Variants in ELK3 observed in about 807,000 individuals in gnomAD.
ELK3 encodes the protein ETS domain-containing protein Elk-3.
A neutral mutation model predicts 28.9 loss-of-function variants in ELK3; 10 were observed. That is an observed-to-expected ratio of 0.35 (90% CI 0.21 to 0.59). ELK3 has a LOEUF of 0.59. Among genes scored for constraint, ELK3 ranks in the 20% least tolerant of loss-of-function variants. ELK3 has a pLI of 0.82. For missense variants in ELK3, 463 were observed against 517.3 expected (o/e 0.90, Z 1.02); for synonymous variants, 272 against 243.5 (o/e 1.12, Z -1.09).
intron 1 of ELK3, among the ~76,000 whole-genome samples, chr12:96,223,130 A>G (rs900289405): frequency 2.0e-5 from 3 of 152,170 alleles, no homozygotes; most frequent in Non-Finnish European, 4.4e-5. Flanking sequence ...TTACAATTCA[A>G]CATGAGATTT....
chr12:96,231,582 TC>T (rs1951742119), intron 2 of ELK3, among the ~76,000 whole-genome samples: 1 of 152,230 alleles, frequency 6.6e-6, no homozygotes, highest in African/African-American at 2.4e-5. Flanking sequence ...AACCTCTGCC[TC>T]CCAGGTTCAA....
intron 4 of ELK3, among the ~76,000 whole-genome samples, chr12:96,264,450 GAT>G (rs1382028096): frequency 6.6e-6 from 1 of 152,140 alleles, no homozygotes; most frequent in Non-Finnish European, 1.5e-5. Flanking sequence ...TAGAAGCAAA[GAT>G]TACTAAGTGA....
At chr12:96,212,255 T>C (rs554109824) in intron 1 of ELK3, among the ~76,000 whole-genome samples, 1 of 152,320 alleles carries the variant, frequency 6.6e-6, no homozygotes, top group South Asian at 2.1e-4. Context: ...CGGGACGTGC[T>C]TCAAGCTAGA....
intron 4 of ELK3, among the ~76,000 whole-genome samples, chr12:96,265,857 A>G (rs182029521): frequency 7.2e-5 from 11 of 152,360 alleles, no homozygotes; most frequent in African/African-American, 2.2e-4. Flanking sequence ...TTAAAATTCT[A>G]AAGTTCCAGA....
At chr12:96,265,780 C>A (rs12815471) in intron 4 of ELK3, among the ~76,000 whole-genome samples, 7,894 of 152,164 alleles carry the variant, frequency 0.052, 271 homozygotes, top group Non-Finnish European at 0.064. Context: ...ACCTTTTAAA[C>A]AAGAGTATAA....
chr12:96,216,108 C>G (rs1343278560), intron 1 of ELK3, among the ~76,000 whole-genome samples: 1 of 152,176 alleles, frequency 6.6e-6, no homozygotes, highest in African/African-American at 2.4e-5. Context: ...CCCGTGAATG[C>G]CCTCCTGTAG....
intron 1 of ELK3, among the ~76,000 whole-genome samples, chr12:96,206,013 C>T (rs1003210322): frequency 6.6e-6 from 1 of 152,192 alleles, no homozygotes; most frequent in Non-Finnish European, 1.5e-5. Flanking sequence ...CATCTTGAAT[C>T]AGATGACCCA....
intron 1 of ELK3, chr12:96,212,978 T>G (rs972173385): frequency 6.6e-6 from 1 of 152,214 alleles, no homozygotes; most frequent in African/African-American, 2.4e-5. Context: ...CCAAAGAAAT[T>G]GTGATTCATT....
At chr12:96,218,675 G>C (rs1400227035) in intron 1 of ELK3, among the ~76,000 whole-genome samples, 2 of 145,616 alleles carry the variant, frequency 1.4e-5, no homozygotes, top group African/African-American at 5.1e-5. Flanking sequence ...TTGAGACAGA[G>C]TCTCGCTCTG....
At chr12:96,194,784 C>T (rs1170347524) in intron 1 of ELK3, 79 bp downstream of exon 1, 2 of 113,560 alleles carry the variant, frequency 1.8e-5, no homozygotes, top group African/African-American at 6.5e-5. Flanking sequence ...TCTTTCTTTT[C>T]TTGGGCGCGG....
intron 2 of ELK3, among the ~76,000 whole-genome samples, chr12:96,237,641 T>C (rs1475562268): frequency 3.3e-5 from 5 of 152,156 alleles, no homozygotes; most frequent in Admixed American, 2.0e-4. Flanking sequence ...GAAAGCCAGG[T>C]GTGGTGGCTT....
At chr12:96,211,092 C>T (rs1382171050) in intron 1 of ELK3, among the ~76,000 whole-genome samples, 2 of 152,170 alleles carry the variant, frequency 1.3e-5, no homozygotes, top group Admixed American at 6.5e-5. Context: ...TCCTCGTGGG[C>T]ACAGCCAACT....
intron 1 of ELK3, among the ~76,000 whole-genome samples, chr12:96,211,037 C>T (rs951878240): frequency 6.6e-6 from 1 of 152,190 alleles, no homozygotes; most frequent in African/African-American, 2.4e-5. Context: ...GCCCATTTTA[C>T]CCATGTGGCC....
In ELK3 at chr12:96,247,093, G is replaced by A; in HGVS notation, c.361G>A (p.Ala121Thr). Residue 121 changes from alanine (A) to threonine (T), a missense_variant, in exon 3 of 5, where the codon GCC becomes ACC. Physicochemically the swap from Ala to Thr is moderately conservative, Grantham distance 58 (BLOSUM62 0). Coordinates refer to ENST00000228741, the MANE Select transcript of ELK3 (RefSeq NM_005230.4). This position sits in a 1 kb window ranked among gnomAD's most constrained non-coding sequence, Gnocchi z 5.5. ...CAAGGCGTCTCCGGAGGGCCGCGAG[G>A]CCCACAAACACGGCCTGGCCGCCCT... Reference protein sequence around the residue: ...DCKASPEGREAHKHGLAALRS... With the variant: ...DCKASPEGRETHKHGLAALRS... 6.2e-7 allele frequency: 1 copy of A among 1,613,678 alleles called. No individual in the cohort carries two copies.
At chr12:96,218,036 C>T (rs1289485002) in intron 1 of ELK3, among the ~76,000 whole-genome samples, 1 of 151,722 alleles carries the variant, frequency 6.6e-6, no homozygotes, top group Non-Finnish European at 1.5e-5. Flanking sequence ...TCACGTTTGA[C>T]AAGCTGCTCT....
chr12:96,223,413 C>T, intron 1 of ELK3, 152 bp from the exon 2 acceptor site: 2 of 666,200 alleles, frequency 3.0e-6, no homozygotes, highest in Admixed American at 2.6e-5. Context: ...TTCAGAGTGG[C>T]CCCTTGAGAT....
intron 1 of ELK3, among the ~76,000 whole-genome samples, chr12:96,219,627 C>T (rs1204944804): frequency 6.6e-6 from 1 of 152,306 alleles, no homozygotes; most frequent in East Asian, 1.9e-4. Context: ...ACCTCTGCCA[C>T]AGACAACCAC....
At chr12:96,253,932 A>G (rs766449746) in intron 3 of ELK3, among the ~76,000 whole-genome samples, 3 of 152,234 alleles carry the variant, frequency 2.0e-5, no homozygotes, top group Admixed American at 1.3e-4. Flanking sequence ...TGTCCAGCAT[A>G]CGGGGCAATA....
At chr12:96,258,041 C>T (rs1474100594) in intron 3 of ELK3, among the ~76,000 whole-genome samples, 1 of 152,224 alleles carries the variant, frequency 6.6e-6, no homozygotes, top group African/African-American at 2.4e-5. Context: ...ATTTAATCTT[C>T]CCAACAACCC....
Sources: allele counts gnomAD v4.1 joint callset (sites outside exome capture counted in the v4.1 genomes callset), GRCh38; gene constraint gnomAD v4.1.1; non-coding constraint Gnocchi (gnomAD v3.1); transcripts MANE v1.5; gene names NCBI Gene and HGNC (gene_info 2026-07-23, HGNC 2026-07-21).